ARSB: variants seen among roughly 807,000 people sequenced by gnomAD.
The protein encoded by ARSB is N-acetylgalactosamine-4-sulfatase.
In ARSB, 41 loss-of-function variants were observed where a neutral mutation model predicts 50.9. The observed-to-expected ratio is 0.81, with a 90% CI of 0.63 to 1.04. The LOEUF (loss-of-function observed/expected upper bound fraction) is 1.04. Among genes scored for constraint, ARSB ranks in the 50% least tolerant of loss-of-function variants. The pLI is 0.00. For synonymous variants in ARSB, 269 were observed against 284.8 expected, an observed-to-expected ratio of 0.94 and a Z score of 0.56; for missense variants, 672 against 693.3, an observed-to-expected ratio of 0.97 and a Z score of 0.35.
Position 78,966,929 on chromosome 5 carries a change from A to T in ARSB, c.499+2077T>A, listed in dbSNP as rs1012184645. Among the ~76,000 whole-genome samples, 66 of 146,332 alleles carry T rather than the reference A, an allele frequency of 4.5e-4. 1 individual carries two copies. Among genetic ancestry groups the T allele is most frequent in the East Asian group, 9.8e-4 (5 of 5,112 alleles). ...TGAGAATACATCCGGGTCCATTTAA[A>T]AAAAAAAAAAAAAAAGCTAAGATTG... On this transcript the variant is annotated intron_variant, in intron 2 of 7. Coordinates refer to ENST00000264914, the MANE Select transcript of ARSB (RefSeq NM_000046.5).
At chr5:78,834,905 A>G (rs1218671525) in intron 6 of ARSB, among the ~76,000 whole-genome samples, 3 of 151,934 alleles carry the variant, frequency 2.0e-5, no homozygotes, top group East Asian at 1.9e-4. Flanking sequence ...TCCCATTAAC[A>G]GTGAATAAGG....
At position 78,922,036 on chromosome 5, in the gene ARSB, G is replaced by C. The variant is rs367603876; in HGVS notation, c.898+33259C>G. 2.2e-4 allele frequency among the ~76,000 whole-genome samples: 34 copies of C among 152,180 alleles called. No homozygotes were observed. The East Asian group carries it at 4.6e-3, about 21-fold the overall frequency. On this transcript the variant is annotated intron_variant, in intron 4 of 7. Transcript: ENST00000264914. ...GCATTTAGACCAGCCCTGGCCAGAG[G>C]GGATCAACAATCCCAGTGGTTGGAA... is the stretch of plus-strand genomic sequence containing the variant.
At chr5:78,850,470 A>C (rs1338295622) in intron 5 of ARSB, among the ~76,000 whole-genome samples, 2 of 151,884 alleles carry the variant, frequency 1.3e-5, no homozygotes, top group Non-Finnish European at 2.9e-5. Context: ...CCAGTATTTT[A>C]TTGAGGATTT....
At chr5:78,875,982 T>C (rs930363516) in intron 5 of ARSB, among the ~76,000 whole-genome samples, 20 of 152,334 alleles carry the variant, frequency 1.3e-4, no homozygotes, top group Non-Finnish European at 1.3e-4. Context: ...TTACTATTTA[T>C]GTTTGATGGT....
chr5:78,967,660 G>C (rs922079735), intron 2 of ARSB, among the ~76,000 whole-genome samples: 1 of 147,384 alleles, frequency 6.8e-6, no homozygotes, highest in South Asian at 2.2e-4. Flanking sequence ...GCAACAGAGC[G>C]AGACTCCGTA....
intron 3 of ARSB, among the ~76,000 whole-genome samples, chr5:78,959,467 G>A (rs1276864831): frequency 4.6e-5 from 7 of 151,726 alleles, no homozygotes; most frequent in South Asian, 2.1e-4. Flanking sequence ...TTTGAAACAC[G>A]GACTTCCATT....
chr5:78,919,753 A>G (rs1156829632), intron 4 of ARSB, among the ~76,000 whole-genome samples: 1 of 152,186 alleles, frequency 6.6e-6, no homozygotes, highest in Non-Finnish European at 1.5e-5. Context: ...GGCCTCCCAA[A>G]GTACAGGAGT....
At chr5:78,798,601 A>C (rs1743265859) in intron 6 of ARSB, among the ~76,000 whole-genome samples, 1 of 152,198 alleles carries the variant, frequency 6.6e-6, no homozygotes, top group African/African-American at 2.4e-5. Flanking sequence ...TGTACGGTTC[A>C]TATTCCGGTG....
intron 4 of ARSB, among the ~76,000 whole-genome samples, chr5:78,920,382 A>G (rs975841525): frequency 6.6e-5 from 10 of 152,186 alleles, no homozygotes; most frequent in Non-Finnish European, 1.3e-4. Flanking sequence ...TCTCTAATAA[A>G]AAATAAAATA....
chr5:78,845,088 A>T (rs1455135996), intron 5 of ARSB, among the ~76,000 whole-genome samples: 12 of 151,764 alleles, frequency 7.9e-5, no homozygotes, highest in Admixed American at 7.9e-4. Context: ...CTTTGCTTCT[A>T]TGAGATCAAC....
rs1178998108 is a variant in ARSB, at chr5:78,788,583, AT to A, written c.1214-6610del. Among the ~76,000 whole-genome samples the A allele has an allele frequency of 6.6e-5, 10 of 152,196 alleles. No individual in the cohort carries two copies. The South Asian group carries it at 8.3e-4, about 13-fold the overall frequency. ...TGCTAAATATGTTGTACTTCTCTAC[AT>A]TTTTTTAATTTATTTTTTTATTTTT... On this transcript the variant is annotated intron_variant, in intron 6 of 7. Transcript: ENST00000264914.
intron 5 of ARSB, chr5:78,883,125 A>C (rs1456564307): frequency 2.0e-5 from 3 of 152,182 alleles, no homozygotes; most frequent in Non-Finnish European, 2.9e-5. Context: ...ATCTACAATG[A>C]CATATAGTAC....
intron 5 of ARSB, among the ~76,000 whole-genome samples, chr5:78,857,832 A>T (rs1364845179): frequency 2.6e-5 from 4 of 152,234 alleles, no homozygotes; most frequent in African/African-American, 9.6e-5. Flanking sequence ...AGTTTTACCC[A>T]TGCCTATAAC....
intron 6 of ARSB, among the ~76,000 whole-genome samples, chr5:78,807,826 G>A (rs1248033079): frequency 6.6e-6 from 1 of 152,084 alleles, no homozygotes; most frequent in African/African-American, 2.4e-5. Context: ...GGGCGCGGTG[G>A]CTCACGCCTG....
At chr5:78,982,861 A>G (rs1486931283) in intron 1 of ARSB, among the ~76,000 whole-genome samples, 1 of 152,190 alleles carries the variant, frequency 6.6e-6, no homozygotes, top group African/African-American at 2.4e-5. Context: ...TGTTTGGGGA[A>G]GCAAGGCTGC....
chr5:78,785,973 A>G (rs1749070420), intron 6 of ARSB, among the ~76,000 whole-genome samples: 2 of 152,336 alleles, frequency 1.3e-5, no homozygotes, highest in South Asian at 4.1e-4. Context: ...ATTTAAATAT[A>G]TTTTTTAAAG....
rs372968816 is a variant in ARSB at position 78,837,252 on chromosome 5, G to T, written c.1213+2104C>A. ...AGACATTTACAACCATTATAATGTG[G>T]GTGGCATATTCCACATATCCCCTAG... On this transcript the variant is annotated intron_variant, in intron 6 of 7. Transcript: ENST00000264914. 7.9e-5 allele frequency among the ~76,000 whole-genome samples: 12 copies of T among 152,242 alleles called. No individual in the cohort carries two copies. In the East Asian group the frequency reaches 1.5e-3, roughly 20 times the overall value.
intron 4 of ARSB, among the ~76,000 whole-genome samples, chr5:78,948,797 T>C (rs937937581): frequency 6.6e-6 from 1 of 152,142 alleles, no homozygotes; most frequent in Non-Finnish European, 1.5e-5. Flanking sequence ...AATAACCACA[T>C]ACATTCCTTG....
rs60622885 is a variant in ARSB, at chr5:78,905,344, G to GTTTTTTTTTTTTTTT, written c.899-19518_899-19517insAAAAAAAAAAAAAAA. Among the ~76,000 whole-genome samples, 33 of 130,538 alleles carry GTTTTTTTTTTTTTTT rather than the reference G, an allele frequency of 2.5e-4. 3 individuals are homozygous for GTTTTTTTTTTTTTTT. The highest frequency in any genetic ancestry group is 2.6e-4 in the Non-Finnish European group (16 of 62,432). 85.6% of individuals were successfully genotyped at this position (130,538 alleles called of 152,430 possible). A position where few individuals can be genotyped will look rare whatever the true frequency, so the allele number is the denominator to read the frequency against. On this transcript the variant is annotated intron_variant, in intron 4 of 7. Coordinates refer to ENST00000264914, the MANE Select transcript of ARSB (RefSeq NM_000046.5). Reference sequence around the variant, plus strand: ...CCTTGAGTACTGCTCGTATTTTCCTGTTTTTTTTTTTTTGTATAATGAGTA... The same window carrying GTTTTTTTTTTTTTTT: ...CCTTGAGTACTGCTCGTATTTTCCTGTTTTTTTTTTTTTTTTTTTTTTTTTTTTGTATAATGAGTA...
Sources: allele counts gnomAD v4.1 joint callset (sites outside exome capture counted in the v4.1 genomes callset), GRCh38; gene constraint gnomAD v4.1.1; transcripts MANE v1.5; gene names NCBI Gene and HGNC (gene_info 2026-07-23, HGNC 2026-07-21).